The following FOCAD variants were observed in gnomAD, a reference collection of about 807,000 sequenced individuals.
FOCAD encodes KIAA1797.
In FOCAD, 198 loss-of-function variants were observed where a neutral mutation model predicts 225.6. The observed-to-expected ratio is 0.88, with a 90% CI of 0.78 to 0.99. The LOEUF is 0.99. Among genes scored for constraint, FOCAD ranks in the 50% least tolerant of loss-of-function variants. The pLI is 0.00. For synonymous variants in FOCAD, 897 were observed against 755.0 expected, an observed-to-expected ratio of 1.19 and a Z score of -3.08; for missense variants, 2,713 against 2,123.6, an observed-to-expected ratio of 1.28 and a Z score of -5.46.
At chr9:20,793,454 C>G (rs985455592) in intron 11 of FOCAD, among the ~76,000 whole-genome samples, 2 of 152,092 alleles carry the variant, frequency 1.3e-5, no homozygotes, top group Non-Finnish European at 2.9e-5. Context: ...TCTTGGCATT[C>G]CTGGGCGTTA....
chr9:20,981,160 G>A (rs1840662202), intron 37 of FOCAD, among the ~76,000 whole-genome samples: 1 of 152,062 alleles, frequency 6.6e-6, no homozygotes, highest in Non-Finnish European at 1.5e-5. Flanking sequence ...AACATCCAAG[G>A]TTTAAGCTGA....
chr9:20,789,684 G>T, intron 11 of FOCAD, 76 bp downstream of exon 11: 2 of 1,539,086 alleles, frequency 1.3e-6, no homozygotes, highest in South Asian at 2.4e-5. Flanking sequence ...CCTGCTTTGT[G>T]GATTATTTGC....
intron 6 of FOCAD, among the ~76,000 whole-genome samples, chr9:20,762,333 A>G (rs558695689): frequency 1.3e-5 from 2 of 152,302 alleles, no homozygotes; most frequent in Non-Finnish European, 2.9e-5. Context: ...ATGTTTCAGT[A>G]ATAATTTTGA....
At chr9:20,902,539 G>A (rs1428230708) in intron 21 of FOCAD, among the ~76,000 whole-genome samples, 1 of 151,874 alleles carries the variant, frequency 6.6e-6, no homozygotes, top group Non-Finnish European at 1.5e-5. Flanking sequence ...ATTCTTTAAT[G>A]AACCATCAAA....
Position 20,789,567 on chromosome 9 carries a change from C to T in FOCAD, c.1414C>T (p.Leu472Phe). The change falls in exon 11 of 44, where the codon CTC (leucine) becomes TTC (phenylalanine). Residue 472 changes from leucine (L) to phenylalanine (F), a missense_variant. Transcript: ENST00000338382. ...CAAAGGACAAAATCTTCACCAAATA[C>T]TCAAGGTCACTACAGAATTAGCCCA... ...EDKGQNLHQI[L>F]KVTTELAQAD... is the part of the protein sequence containing the mutation. 1 of 1,613,986 alleles carries T rather than the reference C, an allele frequency of 6.2e-7. No homozygotes were observed. The highest frequency in any genetic ancestry group is 8.5e-7 in the Non-Finnish European group (1 of 1,179,958).
chr9:20,950,414 T>C (rs1035729956), intron 33 of FOCAD, among the ~76,000 whole-genome samples: 2 of 152,218 alleles, frequency 1.3e-5, no homozygotes, highest in African/African-American at 2.4e-5. Context: ...ATTCAGACTT[T>C]TAAAAGCAAA....
At chr9:20,818,105 GTTTTGA>G (rs1823925078) in intron 11 of FOCAD, among the ~76,000 whole-genome samples, 2 of 152,188 alleles carry the variant, frequency 1.3e-5, no homozygotes, top group Admixed American at 1.3e-4. Context: ...GTATCTCATG[GTTTTGA>G]TTTGCATTCC....
intron 15 of FOCAD, among the ~76,000 whole-genome samples, chr9:20,830,826 G>T (rs1193269368): frequency 1.3e-5 from 2 of 151,890 alleles, no homozygotes; most frequent in Non-Finnish European, 2.9e-5. Flanking sequence ...ACAGGTGCAT[G>T]CCACTATATT....
At chr9:20,729,303 CCTTGCCTTGTGGCCTTGTAA>C (rs1475061522) in intron 4 of FOCAD, among the ~76,000 whole-genome samples, 4 of 152,156 alleles carry the variant, frequency 2.6e-5, no homozygotes, top group Admixed American at 1.3e-4. Context: ...CTTTGACATT[CCTTGCCTTGTGGCCTTGTAA>C]CTTCAGTCTC....
chr9:20,695,513 T>C (rs543318111), intron 1 of FOCAD, among the ~76,000 whole-genome samples: 1 of 152,154 alleles, frequency 6.6e-6, no homozygotes. Flanking sequence ...ATACAATCAG[T>C]TTTTTCCCTG....
At chr9:20,802,674 A>T (rs1419071181) in intron 11 of FOCAD, among the ~76,000 whole-genome samples, 1 of 152,184 alleles carries the variant, frequency 6.6e-6, no homozygotes, top group East Asian at 1.9e-4. Context: ...AACACTGTAG[A>T]GTCCAGGGAC....
rs528332527 is a variant in FOCAD, at chr9:20,662,937, T to A, written c.-78+4111T>A. 4.5e-3 allele frequency among the ~76,000 whole-genome samples: 683 copies of A among 152,378 alleles called. 4 individuals are homozygous for A. The highest frequency in any genetic ancestry group is 0.016 in the African/African-American group (654 of 41,594). On this transcript the variant is annotated intron_variant, in intron 2 of 45. Transcript: ENST00000380249. The stretch of plus-strand genomic sequence containing the variant: ...AAATAACATAATAGAAAATTATTTG[T>A]ATCCAGTTGTCTTGAGTCTAATGTA...
In FOCAD at chr9:20,926,346, C is replaced by G. The variant is rs1371137485; in HGVS notation, c.3007C>G (p.Leu1003Val). The G allele has an allele frequency of 1.2e-6, 2 of 1,613,538 alleles. No homozygotes were observed. Among genetic ancestry groups the G allele is most frequent in the East Asian group, 2.2e-5 (1 of 44,870 alleles). Residue 1003 changes from leucine (L) to valine (V), a missense_variant, in exon 26 of 44, where the codon CTT becomes GTT. Physicochemically the swap from Leu to Val is conservative, Grantham distance 32 (BLOSUM62 1). Coordinates refer to ENST00000338382, the MANE Select transcript of FOCAD (RefSeq NM_001375567.1). The stretch of plus-strand genomic sequence containing the variant: ...AATGAAAGAGTGGGTTTCCATGGTA[C>G]TTGATACACTCTTGGTCATTGTGGA... ...LSMKEWVSMV[L>V]DTLLVIVDSH... is the part of the protein sequence containing the mutation.
chr9:20,725,746 G>C (rs1826146529), intron 4 of FOCAD, among the ~76,000 whole-genome samples: 1 of 152,166 alleles, frequency 6.6e-6, no homozygotes, highest in East Asian at 1.9e-4. Context: ...CTTTGAAAAA[G>C]ACTTGACATT....
chr9:20,841,937 T>C (rs1230938013), intron 15 of FOCAD, among the ~76,000 whole-genome samples: 1 of 151,954 alleles, frequency 6.6e-6, no homozygotes, highest in South Asian at 2.1e-4. Flanking sequence ...CCATAGGTTT[T>C]GGTATCTTGT....
At chr9:20,760,741 T>C (rs1437145647) in intron 6 of FOCAD, among the ~76,000 whole-genome samples, 3 of 152,162 alleles carry the variant, frequency 2.0e-5, no homozygotes, top group African/African-American at 7.2e-5. Context: ...CTGTGAAATC[T>C]TGAGGGCAGG....
chr9:20,994,038 A>G (rs751394896), intron 43 of FOCAD, among the ~76,000 whole-genome samples: 11 of 152,224 alleles, frequency 7.2e-5, no homozygotes, highest in Non-Finnish European at 1.0e-4. Context: ...ATCATATACA[A>G]TTGAAAATAC....
chr9:20,679,548 TTGGGAG>T (rs1035396052), upstream of FOCAD, among the ~76,000 whole-genome samples: 19 of 152,142 alleles, frequency 1.2e-4, no homozygotes, highest in Non-Finnish European at 5.9e-5. Flanking sequence ...TGTTAATGAC[TTGGGAG>T]TGGGCACATT....
intron 30 of FOCAD, among the ~76,000 whole-genome samples, chr9:20,947,190 G>C (rs534837209): frequency 5.3e-4 from 81 of 152,192 alleles, no homozygotes; most frequent in Admixed American, 2.4e-3. Flanking sequence ...CTCTGATAAA[G>C]TCAAACTTCA....
Sources: allele counts gnomAD v4.1 joint callset (sites outside exome capture counted in the v4.1 genomes callset), GRCh38; gene constraint gnomAD v4.1.1; transcripts MANE v1.5; gene names NCBI Gene and HGNC (gene_info 2026-07-23, HGNC 2026-07-21).